Variants in ARID2 observed in about 807,000 individuals in gnomAD.
ARID2 encodes AT-rich interaction domain 2.
Under a neutral mutation model 184.6 loss-of-function variants are expected in ARID2, and 32 were observed. That is an observed-to-expected ratio of 0.17 (90% CI 0.13 to 0.23). ARID2 has a LOEUF of 0.23. Ranked by LOEUF, ARID2 falls within the 10% of genes least tolerant of loss-of-function variation. The probability of loss-of-function intolerance (pLI) is 1.00; values close to 1 mark genes in which losing one functional copy is unlikely to be tolerated. For missense variants in ARID2, 1,696 were observed against 2,197.6 expected, an observed-to-expected ratio of 0.77 and a Z score of 4.56; for synonymous variants, 836 against 772.6, an observed-to-expected ratio of 1.08 and a Z score of -1.36.
At chr12:45,801,050 C>G (rs189414740) in intron 3 of ARID2, among the ~76,000 whole-genome samples, 1 of 152,138 alleles carries the variant, frequency 6.6e-6, no homozygotes. Flanking sequence ...TACTTTCTCA[C>G]GCCTGTAATC....
intron 3 of ARID2, among the ~76,000 whole-genome samples, chr12:45,783,176 A>C (rs1429160745): frequency 6.6e-6 from 1 of 152,130 alleles, no homozygotes; most frequent in Non-Finnish European, 1.5e-5. Flanking sequence ...TGAAAAAAAA[A>C]TCCAAAGCTT....
At chr12:45,855,163 G>A (rs1258214320) in intron 15 of ARID2, among the ~76,000 whole-genome samples, 2 of 152,110 alleles carry the variant, frequency 1.3e-5, no homozygotes, top group African/African-American at 2.4e-5. Context: ...GGTTATTTGA[G>A]CTGTGGTGTT....
chr12:45,888,040 A>G (rs1944225599), intron 16 of ARID2, among the ~76,000 whole-genome samples: 7 of 152,108 alleles, frequency 4.6e-5, no homozygotes, highest in Admixed American at 4.6e-4. Context: ...CTAAAAATAT[A>G]AAAAATCAGC....
chr12:45,805,334 T>C (rs1356265896), intron 3 of ARID2, among the ~76,000 whole-genome samples: 1 of 152,110 alleles, frequency 6.6e-6, no homozygotes, highest in Non-Finnish European at 1.5e-5. Context: ...ATAAACCTTT[T>C]GTTCAGTCTT....
chr12:45,791,764 A>G (rs1377728889), intron 3 of ARID2, among the ~76,000 whole-genome samples: 1 of 152,144 alleles, frequency 6.6e-6, no homozygotes, highest in Non-Finnish European at 1.5e-5. Context: ...CCCGGCCCAG[A>G]TTGTAATTTA....
At position 45,905,232 on chromosome 12, in the gene ARID2, C is replaced by A; in HGVS notation, c.*154C>A. On this transcript the variant is annotated 3_prime_UTR_variant, in exon 21 of 21. Coordinates refer to ENST00000334344, the MANE Select transcript of ARID2 (RefSeq NM_152641.4). ...CTGAGAGGAAGCTTCGTATTCTGAT[C>A]TCTGAGTGAATCCCTTTGTTCTCTG... 1.6e-6 allele frequency: 1 copy of A among 644,898 alleles called. No individual in the cohort carries two copies. The highest frequency in any genetic ancestry group is 2.4e-6 in the Non-Finnish European group (1 of 423,648). The allele number at this position is 644,898 out of a possible 1,614,324, so 39.9% of individuals were successfully genotyped here.
chr12:45,798,974 C>G (rs1942443634), intron 3 of ARID2, among the ~76,000 whole-genome samples: 1 of 151,508 alleles, frequency 6.6e-6, no homozygotes, highest in East Asian at 1.9e-4. Context: ...AATTGAGGTA[C>G]TCTCCCTAAT....
intron 16 of ARID2, among the ~76,000 whole-genome samples, chr12:45,866,679 T>C (rs2138199147): frequency 6.6e-6 from 1 of 152,338 alleles, no homozygotes; most frequent in South Asian, 2.1e-4. Context: ...TCTTTTGTTA[T>C]TTTAACTTTT....
intron 3 of ARID2, among the ~76,000 whole-genome samples, chr12:45,761,305 C>A (rs1348837056): frequency 6.6e-6 from 1 of 152,092 alleles, no homozygotes; most frequent in African/African-American, 2.4e-5. Context: ...AACAATACAT[C>A]TTCTAAAATT....
chr12:45,796,257 A>T lies in ARID2; in HGVS notation c.285-15161A>T, dbSNP rs1435073231. Among the ~76,000 whole-genome samples, 8 of 151,870 alleles carry T rather than the reference A, an allele frequency of 5.3e-5. No homozygotes were observed. The South Asian group carries it at 1.2e-3, about 24-fold the overall frequency. On this transcript the variant is annotated intron_variant, in intron 3 of 20. Transcript: ENST00000334344. ...AATCATACTGTATGATTTTTTTCTAATTTTTACATAGTATCTAAAATATTT... is the reference window on the plus strand; with the variant it reads ...AATCATACTGTATGATTTTTTTCTATTTTTTACATAGTATCTAAAATATTT...
intron 20 of ARID2, among the ~76,000 whole-genome samples, chr12:45,899,635 ATATATATATATATTTGGT>A (rs1944421519): frequency 7.7e-6 from 1 of 130,678 alleles, no homozygotes; most frequent in Non-Finnish European, 1.6e-5. Flanking sequence ...ATATTTGGTT[ATATATATATATATTTGGT>A]TATATATATA....
intron 3 of ARID2, among the ~76,000 whole-genome samples, chr12:45,791,039 T>G (rs1942282123): frequency 1.3e-5 from 2 of 152,202 alleles, no homozygotes; most frequent in South Asian, 4.1e-4. Context: ...TTCCATTTAT[T>G]TAAAGGTATT....
At chr12:45,812,016 A>G (rs1942718684) in intron 4 of ARID2, among the ~76,000 whole-genome samples, 1 of 151,822 alleles carries the variant, frequency 6.6e-6, no homozygotes, top group Non-Finnish European at 1.5e-5. Flanking sequence ...CATGCTTGTA[A>G]TGGTTATAGA....
chr12:45,803,275 C>T (rs973410769), intron 3 of ARID2, among the ~76,000 whole-genome samples: 3 of 152,134 alleles, frequency 2.0e-5, no homozygotes, highest in African/African-American at 7.2e-5. Context: ...GTAATTTGCT[C>T]TAATCCTTGT....
At chr12:45,781,855 T>C (rs1942096500) in intron 3 of ARID2, among the ~76,000 whole-genome samples, 1 of 152,212 alleles carries the variant, frequency 6.6e-6, no homozygotes. Context: ...AAACCCATAT[T>C]TCTCAGAGTT....
chr12:45,802,328 A>G (rs1007720566), intron 3 of ARID2, among the ~76,000 whole-genome samples: 2 of 152,082 alleles, frequency 1.3e-5, no homozygotes, highest in Admixed American at 6.5e-5. Flanking sequence ...CGGCCTCCCA[A>G]AGTGTTGGAA....
At chr12:45,771,247 A>G (rs1357475355) in intron 3 of ARID2, among the ~76,000 whole-genome samples, 3 of 151,622 alleles carry the variant, frequency 2.0e-5, no homozygotes, top group Admixed American at 1.3e-4. Context: ...GATCCCAACT[A>G]CTCAGGAGGC....
intron 3 of ARID2, among the ~76,000 whole-genome samples, chr12:45,780,046 T>C (rs1423403943): frequency 6.6e-6 from 1 of 152,218 alleles, no homozygotes; most frequent in Admixed American, 6.5e-5. Flanking sequence ...AGTTAATACA[T>C]GTAAAGTACT....
intron 16 of ARID2, among the ~76,000 whole-genome samples, chr12:45,885,115 G>A (rs1944165659): frequency 6.7e-6 from 1 of 149,700 alleles, no homozygotes; most frequent in South Asian, 2.2e-4. Context: ...AATAAAGTTG[G>A]GTTAGCCTCT....
Sources: allele counts gnomAD v4.1 joint callset (sites outside exome capture counted in the v4.1 genomes callset), GRCh38; gene constraint gnomAD v4.1.1; transcripts MANE v1.5; gene names NCBI Gene and HGNC (gene_info 2026-07-23, HGNC 2026-07-21).